The following LTV1 variants were observed in gnomAD, a reference collection of about 807,000 sequenced individuals.
LTV1 encodes protein LTV1 homolog.
A neutral mutation model predicts 59.9 loss-of-function variants in LTV1; 39 were observed. The ratio of observed to expected loss-of-function variants is 0.65; its 90% CI spans 0.50 to 0.85. LTV1 has a LOEUF of 0.85. Among genes scored for constraint, LTV1 ranks in the 40% least tolerant of loss-of-function variants. LTV1 has a pLI of 0.00. For synonymous variants in LTV1, 171 were observed against 189.5 expected, an observed-to-expected ratio of 0.90 and a Z score of 0.80; for missense variants, 493 against 549.1, an observed-to-expected ratio of 0.90 and a Z score of 1.02.
At position 143,844,376 on chromosome 6, in the gene LTV1, TTAAAAAG is replaced by T. The variant is rs1217135852; in HGVS notation, c.4-107_4-101del. On this transcript the variant is annotated intron_variant, in intron 1 of 10. Transcript: ENST00000367576. ...TTGCCTGCCCTAGAAGTGTAGATTT[TTAAAAAG>T]TATCTTTAACATGACTACTAAAGAT... 12 of 1,225,438 alleles carry T rather than the reference TTAAAAAG, an allele frequency of 9.8e-6. No homozygotes were observed. The East Asian group carries it at 2.9e-4, about 30-fold the overall frequency. The allele number at this position is 1,225,438 out of a possible 1,614,324, so 75.9% of individuals were successfully genotyped here. A position where few individuals can be genotyped will look rare whatever the true frequency, so the allele number is the denominator to read the frequency against.
At chr6:143,860,627 AG>A in intron 7 of LTV1, 74 bp downstream of exon 7, 3 of 1,313,690 alleles carry the variant, frequency 2.3e-6, no homozygotes, top group Non-Finnish European at 3.0e-6. Context: ...AAAGGTCTAT[AG>A]TATAACTGAA....
chr6:143,844,015 TTG>T (rs1277642534), intron 1 of LTV1, among the ~76,000 whole-genome samples: 1 of 152,248 alleles, frequency 6.6e-6, no homozygotes, highest in Non-Finnish European at 1.5e-5. Flanking sequence ...CTTTAGCTGT[TTG>T]TGTCGTGATT....
At chr6:143,858,728 C>T (rs9496784) in intron 6 of LTV1, 11,079 of 153,258 alleles carry the variant, frequency 0.072, 538 homozygotes, top group African/African-American at 0.13. Flanking sequence ...ATCCTCTGGC[C>T]AAGTCAGCTG....
intron 4 of LTV1, among the ~76,000 whole-genome samples, chr6:143,851,911 T>C (rs1027202363): frequency 6.6e-6 from 1 of 152,240 alleles, no homozygotes; most frequent in Admixed American, 6.5e-5. Context: ...ACGTGTCCTT[T>C]TTTATGGCTG....
chr6:143,848,944 A>G (rs1182654154), intron 3 of LTV1, among the ~76,000 whole-genome samples: 1 of 152,190 alleles, frequency 6.6e-6, no homozygotes, highest in East Asian at 1.9e-4. Flanking sequence ...TGACTGAGGA[A>G]TGAACTTGAT....
chr6:143,859,438 G>C (rs566102294), intron 6 of LTV1, among the ~76,000 whole-genome samples: 2 of 152,264 alleles, frequency 1.3e-5, no homozygotes, highest in South Asian at 4.1e-4. Flanking sequence ...AGAGTTCTTT[G>C]TATTTTGCTC....
In LTV1 at chr6:143,862,038, G is replaced by A. The variant is rs1777172634; in HGVS notation, c.924-66G>A. On this transcript the variant is annotated intron_variant, in intron 7 of 10. Coordinates refer to ENST00000367576, the MANE Select transcript of LTV1 (RefSeq NM_032860.5). This position sits in a 1 kb window ranked among gnomAD's most constrained non-coding sequence, Gnocchi z 4.2. The stretch of plus-strand genomic sequence containing the variant: ...CACAGCTAAAAATTGCAGTTTTAGT[G>A]ACATAGTATAATAATAGGTCATTTT... 8 of 1,512,118 alleles carry A rather than the reference G, an allele frequency of 5.3e-6. No homozygotes were observed. In the East Asian group the frequency reaches 1.8e-4, roughly 35 times the overall value. The allele number at this position is 1,512,118 out of a possible 1,614,324, so 93.7% of individuals were successfully genotyped here. A position where few individuals can be genotyped will look rare whatever the true frequency, so the allele number is the denominator to read the frequency against.
rs1777185135 is a variant in LTV1 at position 143,862,594 on chromosome 6, A to C, written c.1064-250A>C. Among the ~76,000 whole-genome samples the C allele has an allele frequency of 1.3e-5, 2 of 152,190 alleles. No individual in the cohort carries two copies. The highest frequency in any genetic ancestry group is 2.9e-5 in the Non-Finnish European group (2 of 68,044). ...AGAGCAAAACTCTGTCTAAAAAAAA[A>C]CATATATCAACTTTGAAAAAATACA... On this transcript the variant is annotated intron_variant, in intron 8 of 10. Coordinates refer to ENST00000367576, the MANE Select transcript of LTV1 (RefSeq NM_032860.5). This position sits in a 1 kb window ranked among gnomAD's most constrained non-coding sequence, Gnocchi z 4.2.
rs764785100 is a variant in LTV1 at position 143,862,820 on chromosome 6, C to T, written c.1064-24C>T. 2 of 1,415,146 alleles carry T rather than the reference C, an allele frequency of 1.4e-6. No individual in the cohort carries two copies. The highest frequency in any genetic ancestry group is 3.4e-5 in the Admixed American group (2 of 59,646). The allele number at this position is 1,415,146 out of a possible 1,614,324, so 87.7% of individuals were successfully genotyped here. A position where few individuals can be genotyped will look rare whatever the true frequency, so the allele number is the denominator to read the frequency against. On this transcript the variant is annotated intron_variant, in intron 8 of 10. Coordinates refer to ENST00000367576, the MANE Select transcript of LTV1 (RefSeq NM_032860.5). This position sits in a 1 kb window ranked among gnomAD's most constrained non-coding sequence, Gnocchi z 4.2. Reference sequence around the variant, plus strand: ...GGAACTGAAAACATGCTTACTGATACATGACTTTTATTTGTTTGTTTAGGT... The same window carrying T: ...GGAACTGAAAACATGCTTACTGATATATGACTTTTATTTGTTTGTTTAGGT...
Position 143,857,766 on chromosome 6 carries a change from A to G in LTV1, c.554A>G (p.Glu185Gly). The change falls in exon 6 of 11, where the codon GAA becomes GGA. Residue 185 changes from glutamate to glycine, a missense_variant. Coordinates refer to ENST00000367576, the MANE Select transcript of LTV1 (RefSeq NM_032860.5). The surrounding 1 kb of genome is among the most constrained non-coding windows in gnomAD (Gnocchi z 5.2). ...EGMDIQKSEN[E>G]DDSEWEDVDD... is the part of the protein sequence containing the mutation. ...CTTTACTTTAGGAAATCTGAGAATG[A>G]AGATGACAGCGAGTGGGAAGATGTG... is the stretch of plus-strand genomic sequence containing the variant. 1 of 1,614,174 alleles carries G rather than the reference A, an allele frequency of 6.2e-7. No individual in the cohort carries two copies. Among genetic ancestry groups the G allele is most frequent in the African/African-American group, 1.3e-5 (1 of 75,058 alleles).
rs1562334117 is a variant in LTV1 at position 143,863,571 on chromosome 6, ATCT to A, written c.*46_*48del. ...CAAGGCACTTTATTAGGGGCTCCTC[ATCT>A]TTGGTTATTGACTAGAAACTTCAGA... is the stretch of plus-strand genomic sequence containing the variant. On this transcript the variant is annotated 3_prime_UTR_variant, in exon 11 of 11. Coordinates refer to ENST00000367576, the MANE Select transcript of LTV1 (RefSeq NM_032860.5). This position sits in a 1 kb window ranked among gnomAD's most constrained non-coding sequence, Gnocchi z 4.5. 1 of 1,277,522 alleles carries A rather than the reference ATCT, an allele frequency of 7.8e-7. No individual in the cohort carries two copies. The highest frequency in any genetic ancestry group is 1.1e-6 in the Non-Finnish European group (1 of 914,404). The allele number at this position is 1,277,522 out of a possible 1,614,324, so 79.1% of individuals were successfully genotyped here. A position where few individuals can be genotyped will look rare whatever the true frequency, so the allele number is the denominator to read the frequency against.
At chr6:143,858,064 T>A (rs74723569) in intron 6 of LTV1, 57 bp downstream of exon 6, 3 of 1,529,676 alleles carry the variant, frequency 2.0e-6, no homozygotes, top group Non-Finnish European at 2.7e-6. Flanking sequence ...TTTTTTTTTT[T>A]AATACCTGTC....
chr6:143,845,811 G>A (rs919533491), intron 2 of LTV1, among the ~76,000 whole-genome samples: 1 of 152,182 alleles, frequency 6.6e-6, no homozygotes, highest in Non-Finnish European at 1.5e-5. Flanking sequence ...CCTTTTAAAA[G>A]CATGAATGTT....
At chr6:143,850,836 G>A (rs1300624820) in intron 4 of LTV1, among the ~76,000 whole-genome samples, 1 of 152,130 alleles carries the variant, frequency 6.6e-6, no homozygotes, top group Non-Finnish European at 1.5e-5. Context: ...ACAGAATAAA[G>A]CATAGTCTCT....
chr6:143,861,750 C>G (rs1435631297), intron 7 of LTV1, among the ~76,000 whole-genome samples: 1 of 150,644 alleles, frequency 6.6e-6, no homozygotes. Flanking sequence ...ATATATAGAT[C>G]CCATAGCAGA....
chr6:143,854,839 A>C (rs1777045973), intron 4 of LTV1, among the ~76,000 whole-genome samples: 1 of 152,146 alleles, frequency 6.6e-6, no homozygotes, highest in African/African-American at 2.4e-5. Context: ...ATTCTTTTGC[A>C]TTTGCTGAGG....
intron 4 of LTV1, among the ~76,000 whole-genome samples, chr6:143,853,700 G>C (rs1248494373): frequency 6.6e-6 from 1 of 152,174 alleles, no homozygotes; most frequent in Non-Finnish European, 1.5e-5. Flanking sequence ...TTTTATCAAA[G>C]GCCTTTTCTG....
Position 143,863,513 on chromosome 6 carries a change from G to A in LTV1, c.1414G>A (p.Gly472Ser). 6.2e-7 allele frequency: 1 copy of A among 1,612,604 alleles called. No homozygotes were observed. The stretch of plus-strand genomic sequence containing the variant: ...GCTGAACTTGAAGAAGAATGTTGAG[G>A]GTCTAAAGCTATAGACAGTGGAGCA... ...ELLNLKKNVE[G>S]LKL is the part of the protein sequence containing the mutation. The change falls in exon 11 of 11, where the codon GGT becomes AGT. Residue 472 changes from glycine to serine, a missense_variant. Physicochemically the swap from Gly to Ser is moderately conservative, Grantham distance 56. Transcript: ENST00000367576. The surrounding 1 kb of genome is among the most constrained non-coding windows in gnomAD (Gnocchi z 4.5).
intron 2 of LTV1, among the ~76,000 whole-genome samples, chr6:143,845,514 T>C (rs934433922): frequency 6.6e-6 from 1 of 152,146 alleles, no homozygotes; most frequent in Non-Finnish European, 1.5e-5. Context: ...TAGCCGGTAC[T>C]ACAGGCACAC....
Sources: gnomAD v4.1 joint callset for allele counts (sites outside exome capture counted in the v4.1 genomes callset) on GRCh38, gnomAD v4.1.1 for gene constraint, Gnocchi (gnomAD v3.1) non-coding constraint, MANE v1.5 for transcripts, NCBI Gene and HGNC (gene_info 2026-07-23, HGNC 2026-07-21) for gene names.